Variants in PIEZO2 observed in about 807,000 individuals in gnomAD.
PIEZO2 encodes the protein piezo-type mechanosensitive ion channel component 2.
PIEZO2 carries 172 observed loss-of-function variants against 337.3 expected under a neutral mutation model. The ratio of observed to expected loss-of-function variants is 0.51; its 90% CI spans 0.45 to 0.58. PIEZO2 has a LOEUF of 0.58. PIEZO2 is among the 20% of genes least tolerant of loss of function. The probability of loss-of-function intolerance (pLI) is 0.00; values close to 1 mark genes in which losing one functional copy is unlikely to be tolerated. For missense variants in PIEZO2, 3,028 were observed against 3,391.3 expected, an observed-to-expected ratio of 0.89 and a Z score of 2.66; for synonymous variants, 1,251 against 1,228.5, an observed-to-expected ratio of 1.02 and a Z score of -0.38.
chr18:11,088,817 T>C (rs1030927975), intron 1 of PIEZO2, among the ~76,000 whole-genome samples: 3 of 152,130 alleles, frequency 2.0e-5, no homozygotes, highest in South Asian at 2.1e-4. Context: ...GTGCAACCCA[T>C]ACAGGCCAGC....
chr18:10,782,094 A>T (rs564067399), intron 17 of PIEZO2, among the ~76,000 whole-genome samples: 1 of 145,186 alleles, frequency 6.9e-6, no homozygotes, highest in South Asian at 2.1e-4. Flanking sequence ...TTAAACTTTG[A>T]ACATTATATA....
At position 10,695,431 on chromosome 18, in the gene PIEZO2, C is replaced by T. The variant is rs552280401; in HGVS notation, c.7190+643G>A. On this transcript the variant is annotated intron_variant, in intron 47 of 55. Transcript: ENST00000674853. ...CAGCAGCCACTTTGAAGGATCTTAC[C>T]AGCCCTTTCCTGACAGCTTCTGGCC... is the stretch of plus-strand genomic sequence containing the variant. 4.6e-5 allele frequency among the ~76,000 whole-genome samples: 7 copies of T among 152,254 alleles called. No homozygotes were observed. The South Asian group carries it at 1.0e-3, about 23-fold the overall frequency.
rs1268849561 is a variant in PIEZO2 at position 10,821,974 on chromosome 18, G to C, written c.918-14700C>G. ...AGTTACACATTTTGTAATGAAAATA[G>C]ATTTTCTAACAAGTTTCTTACCTTC... On this transcript the variant is annotated intron_variant, in intron 7 of 55. Transcript: ENST00000674853. The surrounding 1 kb of genome is among the most constrained non-coding windows in gnomAD (Gnocchi z 4.2). Among the ~76,000 whole-genome samples, 1 of 152,150 alleles carries C rather than the reference G, an allele frequency of 6.6e-6. No homozygotes were observed. The highest frequency in any genetic ancestry group is 2.4e-5 in the African/African-American group (1 of 41,430).
chr18:10,884,880 A>C (rs2042530314), intron 4 of PIEZO2, among the ~76,000 whole-genome samples: 1 of 152,164 alleles, frequency 6.6e-6, no homozygotes, highest in African/African-American at 2.4e-5. Flanking sequence ...ATAACAAGGA[A>C]GAGCGAAAAC....
chr18:10,810,829 G>A (rs1421832409), intron 7 of PIEZO2, among the ~76,000 whole-genome samples: 1 of 152,116 alleles, frequency 6.6e-6, no homozygotes, highest in Non-Finnish European at 1.5e-5. Flanking sequence ...TAGACTCTCT[G>A]ATACCTCTTA....
intron 36 of PIEZO2, 27 bp from the exon 37 acceptor site, chr18:10,718,286 G>C: frequency 6.6e-7 from 1 of 1,515,618 alleles, no homozygotes; most frequent in Non-Finnish European, 8.9e-7. Context: ...ATAAAGATGA[G>C]TTAAATTCCA....
Position 11,001,338 on chromosome 18 carries a change from A to G in PIEZO2, c.161-21678T>C, listed in dbSNP as rs2035526833. On this transcript the variant is annotated intron_variant, in intron 2 of 55. Transcript: ENST00000674853. The surrounding 1 kb of genome is among the most constrained non-coding windows in gnomAD (Gnocchi z 5.3). ...AGGCCAAAAGTCAGCACATCTTGCT[A>G]GGCATGCACCACCGAAAAAGTTATT... Among the ~76,000 whole-genome samples, 1 of 152,258 alleles carries G rather than the reference A, an allele frequency of 6.6e-6. No individual in the cohort carries two copies. Among genetic ancestry groups the G allele is most frequent in the South Asian group, 2.1e-4 (1 of 4,818 alleles).
rs1052119860 is a variant in PIEZO2 at position 11,111,641 on chromosome 18, T to C, written c.64+36884A>G. On this transcript the variant is annotated intron_variant, in intron 1 of 55. Transcript: ENST00000674853. The surrounding 1 kb of genome is among the most constrained non-coding windows in gnomAD (Gnocchi z 6.2). ...CAGTTCTTCTCCTGCCACCCCCAAC[T>C]TCCTCTCTCCTGTGCTCACATGACA... Among the ~76,000 whole-genome samples the C allele has an allele frequency of 1.3e-5, 2 of 152,096 alleles. No homozygotes were observed. Among genetic ancestry groups the C allele is most frequent in the African/African-American group, 4.8e-5 (2 of 41,398 alleles).
chr18:11,061,131 A>G (rs62083628), intron 2 of PIEZO2, among the ~76,000 whole-genome samples: 8,206 of 152,360 alleles, frequency 0.054, 306 homozygotes, highest in Non-Finnish European at 0.081. Context: ...AATCCAGCAT[A>G]TAAACAGAAC....
chr18:10,687,638 T>C (rs1008407048), intron 49 of PIEZO2, among the ~76,000 whole-genome samples: 1 of 152,286 alleles, frequency 6.6e-6, no homozygotes, highest in East Asian at 1.9e-4. Flanking sequence ...TTAAACTTGC[T>C]CCAAGTAGAA....
At chr18:10,739,516 A>G (rs1201849641) in intron 33 of PIEZO2, 4 of 152,212 alleles carry the variant, frequency 2.6e-5, no homozygotes, top group Non-Finnish European at 5.9e-5. Context: ...GAGGTGAAAA[A>G]ACATTCAATA....
rs926691301 is a variant in PIEZO2 at position 10,768,074 on chromosome 18, T to A, written c.2946+2074A>T. On this transcript the variant is annotated intron_variant, in intron 21 of 55. Transcript: ENST00000674853. ...AGAGCCTCTGTACAGTGGATTTTTT[T>A]AAAAAAGGACTAAAGAGCCTCTGCG... Among the ~76,000 whole-genome samples, 17 of 152,236 alleles carry A rather than the reference T, an allele frequency of 1.1e-4. 1 individual carries two copies. Among genetic ancestry groups the A allele is most frequent in the South Asian group, 1.0e-3 (5 of 4,824 alleles).
At chr18:10,896,531 C>T (rs902791745) in intron 4 of PIEZO2, among the ~76,000 whole-genome samples, 4 of 152,186 alleles carry the variant, frequency 2.6e-5, no homozygotes, top group Non-Finnish European at 4.4e-5. Flanking sequence ...CAAACCCAAA[C>T]ATTTCTCATG....
intron 1 of PIEZO2, among the ~76,000 whole-genome samples, chr18:11,076,794 TTCAC>T (rs1300930319): frequency 6.6e-6 from 1 of 152,206 alleles, no homozygotes; most frequent in African/African-American, 2.4e-5. Flanking sequence ...TATTAAAAGT[TTCAC>T]TGAGTTTTCT....
intron 4 of PIEZO2, among the ~76,000 whole-genome samples, chr18:10,880,846 C>CATATATATAT (rs56271617): frequency 2.1e-4 from 14 of 68,062 alleles, no homozygotes; most frequent in East Asian, 4.4e-4. Flanking sequence ...TCCCACATAT[C>CATATATATAT]ATATATATAT....
intron 2 of PIEZO2, among the ~76,000 whole-genome samples, chr18:11,054,602 C>T (rs2037648890): frequency 6.6e-6 from 1 of 152,174 alleles, no homozygotes; most frequent in South Asian, 2.1e-4. Flanking sequence ...AATGTATTAA[C>T]ATAAAACCCT....
At position 10,979,390 on chromosome 18, in the gene PIEZO2, G is replaced by T; in HGVS notation, c.286+145C>A. The T allele has an allele frequency of 1.3e-6, 1 of 772,164 alleles. No homozygotes were observed. Among genetic ancestry groups the T allele is most frequent in the Non-Finnish European group, 1.8e-6 (1 of 545,384 alleles). 47.8% of individuals were successfully genotyped at this position (772,164 alleles called of 1,614,324 possible). ...AAGCTTCTTTATATATATTTACACT[G>T]CATTGCCAAAGACCAAAAATTTCCA... On this transcript the variant is annotated intron_variant, in intron 3 of 55. Transcript: ENST00000674853. This position sits in a 1 kb window ranked among gnomAD's most constrained non-coding sequence, Gnocchi z 4.0.
intron 1 of PIEZO2, among the ~76,000 whole-genome samples, chr18:11,098,446 T>C (rs1008991161): frequency 1.2e-4 from 18 of 151,542 alleles, no homozygotes; most frequent in African/African-American, 4.1e-4. Context: ...AATTAAAAAA[T>C]GTATAAAACA....
chr18:10,702,223 A>G (rs1159806032), intron 42 of PIEZO2, 52 bp from the exon 43 acceptor site: 1 of 1,467,402 alleles, frequency 6.8e-7, no homozygotes, highest in African/African-American at 1.4e-5. Context: ...AGGAATAGAT[A>G]TACCTGTATA....
Sources: gnomAD v4.1 joint callset for allele counts (sites outside exome capture counted in the v4.1 genomes callset) on GRCh38, gnomAD v4.1.1 for gene constraint, Gnocchi (gnomAD v3.1) non-coding constraint, MANE v1.5 for transcripts, NCBI Gene and HGNC (gene_info 2026-07-23, HGNC 2026-07-21) for gene names.